SULF1: variants seen among roughly 807,000 people sequenced by gnomAD.
SULF1 encodes sulfatase 1, also known as extracellular sulfatase Sulf-1.
In SULF1, 46 loss-of-function variants were observed where a neutral mutation model predicts 110.5. That is an observed-to-expected ratio of 0.42 (90% CI 0.33 to 0.53). SULF1 has a LOEUF of 0.53. SULF1 is among the 20% of genes least tolerant of loss of function. SULF1 has a pLI of 0.12. For synonymous variants in SULF1, 371 were observed against 387.1 expected (o/e 0.96, Z 0.49); for missense variants, 941 against 1,094.2 (o/e 0.86, Z 1.98).
intron 22 of SULF1, among the ~76,000 whole-genome samples, chr8:69,647,088 G>A (rs1270528847): frequency 1.3e-5 from 2 of 151,728 alleles, no homozygotes; most frequent in Non-Finnish European, 2.9e-5. Context: ...GGGACTACAG[G>A]CACAGACCAC....
At chr8:69,487,402 A>G (rs1255596714) in intron 1 of SULF1, among the ~76,000 whole-genome samples, 1 of 152,250 alleles carries the variant, frequency 6.6e-6, no homozygotes, top group Admixed American at 6.5e-5. Context: ...TTTACTCTTT[A>G]GAATTAGTCA....
At chr8:69,594,831 T>G (rs1006732356) in intron 8 of SULF1, among the ~76,000 whole-genome samples, 1 of 152,216 alleles carries the variant, frequency 6.6e-6, no homozygotes, top group African/African-American at 2.4e-5. Flanking sequence ...GCTTGTTTAC[T>G]TAGATCCCTG....
intron 1 of SULF1, among the ~76,000 whole-genome samples, chr8:69,471,078 A>G (rs1263117537): frequency 6.6e-6 from 1 of 152,218 alleles, no homozygotes; most frequent in Non-Finnish European, 1.5e-5. Flanking sequence ...ACCGCCTTTG[A>G]GAAGCCTCTC....
chr8:69,640,869 C>T (rs1403332629), intron 22 of SULF1, 28 bp downstream of exon 22: 1 of 1,602,414 alleles, frequency 6.2e-7, no homozygotes, highest in Non-Finnish European at 8.5e-7. Context: ...TTCTTCTCAA[C>T]AGCTTCTTCC....
intron 14 of SULF1, among the ~76,000 whole-genome samples, chr8:69,623,267 G>T (rs1809756184): frequency 6.6e-6 from 1 of 152,038 alleles, no homozygotes; most frequent in African/African-American, 2.4e-5. Context: ...GTTGTCTAGA[G>T]CATTTGCCTC....
chr8:69,638,234 A>G, intron 19 of SULF1: 1 of 418,040 alleles, frequency 2.4e-6, no homozygotes, highest in Non-Finnish European at 4.2e-6. Context: ...TAACAGAGCT[A>G]AGGGGAGGAT....
At chr8:69,608,657 C>G (rs1359222509) in intron 13 of SULF1, among the ~76,000 whole-genome samples, 1 of 151,764 alleles carries the variant, frequency 6.6e-6, no homozygotes, top group Non-Finnish European at 1.5e-5. Flanking sequence ...TGCACTCCAG[C>G]CTGGGCAAAA....
At chr8:69,469,995 T>C (rs1809015609) in intron 1 of SULF1, among the ~76,000 whole-genome samples, 1 of 152,132 alleles carries the variant, frequency 6.6e-6, no homozygotes, top group Non-Finnish European at 1.5e-5. Flanking sequence ...TGAGCCGAGA[T>C]CGTGTCATTG....
At chr8:69,600,566 GA>G (rs761541059) in intron 8 of SULF1, 36 bp from the exon 9 acceptor site, 28 of 1,557,792 alleles carry the variant, frequency 1.8e-5, no homozygotes, top group Middle Eastern at 3.5e-4. Context: ...GACTAAGTAA[GA>G]AATATATAGT....
At chr8:69,565,710 A>T (rs1815829042) in intron 5 of SULF1, among the ~76,000 whole-genome samples, 1 of 152,094 alleles carries the variant, frequency 6.6e-6, no homozygotes, top group African/African-American at 2.4e-5. Context: ...TTTTCTGCTT[A>T]AGTCCCTTCT....
At chr8:69,591,458 G>A (rs1806893367) in intron 8 of SULF1, among the ~76,000 whole-genome samples, 1 of 151,946 alleles carries the variant, frequency 6.6e-6, no homozygotes. Context: ...TAGCTACTCG[G>A]GAGGCTGAGG....
chr8:69,477,055 C>T (rs917483600), intron 1 of SULF1, among the ~76,000 whole-genome samples: 3 of 152,060 alleles, frequency 2.0e-5, no homozygotes, highest in Non-Finnish European at 2.9e-5. Flanking sequence ...TGTCTAAGTT[C>T]AGATTTCAAT....
chr8:69,523,837 T>C (rs1180599084), intron 3 of SULF1, among the ~76,000 whole-genome samples: 1 of 151,972 alleles, frequency 6.6e-6, no homozygotes, highest in African/African-American at 2.4e-5. Flanking sequence ...GGAACCAAGA[T>C]GATGGAGCGG....
chr8:69,491,886 A>G (rs956249117), upstream of SULF1, among the ~76,000 whole-genome samples: 6 of 152,206 alleles, frequency 3.9e-5, no homozygotes, highest in African/African-American at 1.2e-4. Flanking sequence ...CACACGGAGA[A>G]AAGAGGGGAA....
intron 2 of SULF1, among the ~76,000 whole-genome samples, chr8:69,500,766 G>A (rs1378514538): frequency 6.6e-6 from 1 of 152,124 alleles, no homozygotes; most frequent in Non-Finnish European, 1.5e-5. Flanking sequence ...GGGTGAGGTG[G>A]GCCACATTGC....
chr8:69,589,282 C>T, intron 8 of SULF1, 141 bp downstream of exon 8: 1 of 856,624 alleles, frequency 1.2e-6, no homozygotes, highest in Non-Finnish European at 1.7e-6. Context: ...TAAGAGCAGA[C>T]CACGGAACAG....
chr8:69,481,590 T>G (rs1301960315), intron 1 of SULF1, among the ~76,000 whole-genome samples: 1 of 152,124 alleles, frequency 6.6e-6, no homozygotes, highest in Non-Finnish European at 1.5e-5. Flanking sequence ...CATTAGCTAT[T>G]CTTCCTGATG....
intron 3 of SULF1, among the ~76,000 whole-genome samples, chr8:69,548,770 A>G (rs1481560403): frequency 6.6e-6 from 1 of 151,934 alleles, no homozygotes; most frequent in Non-Finnish European, 1.5e-5. Flanking sequence ...CTTGGATGTT[A>G]ATATTGAGGA....
intron 22 of SULF1, chr8:69,642,338 G>A: frequency 1.0e-6 from 1 of 987,198 alleles, no homozygotes. Context: ...ATGACAACAG[G>A]AAAGGTGATG....
Sources: allele counts gnomAD v4.1 joint callset (sites outside exome capture counted in the v4.1 genomes callset), GRCh38; gene constraint gnomAD v4.1.1; transcripts MANE v1.5; gene names NCBI Gene and HGNC (gene_info 2026-07-23, HGNC 2026-07-21).